Variants in FREM1 observed in about 807,000 individuals in gnomAD.
The protein encoded by FREM1 is FRAS1-related extracellular matrix protein 1.
Under a neutral mutation model 210.1 loss-of-function variants are expected in FREM1, and 220 were observed. The observed-to-expected ratio is 1.05, with a 90% CI of 0.94 to 1.17. The LOEUF (loss-of-function observed/expected upper bound fraction) is 1.17. FREM1 is among the 50% of genes most tolerant of loss of function. FREM1 has a pLI of 0.00. For synonymous variants in FREM1, 1,189 were observed against 980.2 expected (o/e 1.21, Z -3.98); for missense variants, 3,454 against 2,675.5 (o/e 1.29, Z -6.42).
In FREM1 at chr9:14,881,004, T is replaced by C. The variant is rs185665496; in HGVS notation, c.-267-11760A>G. Among the ~76,000 whole-genome samples, 54 of 152,352 alleles carry C rather than the reference T, an allele frequency of 3.5e-4. 2 individuals carry two copies. The highest frequency in any genetic ancestry group is 3.5e-3 in the Admixed American group (54 of 15,304). ...ATTAATTCCAAATGAAACTGAAGAA[T>C]GCAGCAAAATACAAAGGCACCGGTG... On this transcript the variant is annotated intron_variant, in intron 1 of 36. Transcript: ENST00000380880.
Position 14,842,380 on chromosome 9 carries a change from G to A in FREM1, c.1674C>T (p.Phe558=). ...CCTGTGGAGGCTTTGTGATATTGAAGAAGATGTAGTCATCACTGGCGTCCA... is the reference window on the plus strand; with the variant it reads ...CCTGTGGAGGCTTTGTGATATTGAAAAAGATGTAGTCATCACTGGCGTCCA... The part of the protein sequence containing the change: ...SDVDASDDYI[F]FNITKPPQAG... Residue 558 remains phenylalanine, a synonymous_variant, in exon 9 of 37, where the codon TTC becomes TTT. Coordinates refer to ENST00000380880, the MANE Select transcript of FREM1 (RefSeq NM_001379081.2). The A allele has an allele frequency of 6.2e-7, 1 of 1,611,866 alleles. No homozygotes were observed. Among genetic ancestry groups the A allele is most frequent in the Non-Finnish European group, 8.5e-7 (1 of 1,178,152 alleles).
intron 13 of FREM1, among the ~76,000 whole-genome samples, chr9:14,820,999 T>C (rs1564005062): frequency 3.3e-5 from 5 of 152,154 alleles, no homozygotes; most frequent in Non-Finnish European, 1.5e-5. Flanking sequence ...TAAATATATA[T>C]TTTAGGGCAA....
At chr9:14,901,305 T>C (rs1326796545) in intron 1 of FREM1, among the ~76,000 whole-genome samples, 1 of 152,202 alleles carries the variant, frequency 6.6e-6, no homozygotes, top group Non-Finnish European at 1.5e-5. Context: ...ATCTGTAAAT[T>C]AAAAGTCTCT....
At chr9:14,861,427 C>T (rs368023848) in intron 3 of FREM1, among the ~76,000 whole-genome samples, 280 of 148,666 alleles carry the variant, frequency 1.9e-3, no homozygotes, top group Non-Finnish European at 3.4e-3. Context: ...TACTTTCATA[C>T]AGGCAAGCAA....
intron 17 of FREM1, 34 bp downstream of exon 17, chr9:14,807,906 A>G: frequency 1.3e-6 from 2 of 1,493,396 alleles, no homozygotes; most frequent in Non-Finnish European, 1.9e-6. Flanking sequence ...ACTAGGTCAG[A>G]CAATAGTACT....
intron 1 of FREM1, among the ~76,000 whole-genome samples, chr9:14,884,765 A>G (rs1040229187): frequency 6.6e-6 from 1 of 152,136 alleles, no homozygotes; most frequent in Non-Finnish European, 1.5e-5. Context: ...GAAATTCTTA[A>G]CGGTCAATGG....
At chr9:14,771,541 T>C (rs947986358) in intron 25 of FREM1, among the ~76,000 whole-genome samples, 1 of 152,136 alleles carries the variant, frequency 6.6e-6, no homozygotes. Context: ...CGGAGCTCAG[T>C]GCATCTTGCA....
chr9:14,806,657 T>A lies in FREM1; in HGVS notation c.3274+4A>T, dbSNP rs761999855. 7.1e-6 allele frequency: 11 copies of A among 1,542,234 alleles called. No individual in the cohort carries two copies. Among genetic ancestry groups the A allele is most frequent in the Non-Finnish European group, 9.8e-6 (11 of 1,123,394 alleles). On this transcript the variant is annotated splice_donor_region_variant and intron_variant, in intron 18 of 36. Coordinates refer to ENST00000380880, the MANE Select transcript of FREM1 (RefSeq NM_001379081.2). ...TCATTGCTGGTGACGAAGCTACAGC[T>A]TACCTATACTTATGCCAATATTGCT... is the stretch of plus-strand genomic sequence containing the variant.
intron 1 of FREM1, among the ~76,000 whole-genome samples, chr9:14,905,624 C>A (rs1451712071): frequency 1.3e-5 from 2 of 152,206 alleles, no homozygotes; most frequent in African/African-American, 4.8e-5. Context: ...GGCAGTGGCT[C>A]ACGCCTATAA....
intron 5 of FREM1, among the ~76,000 whole-genome samples, chr9:14,856,478 C>T (rs942187895): frequency 1.3e-5 from 2 of 152,116 alleles, no homozygotes; most frequent in Admixed American, 6.5e-5. Context: ...CAATATTTGA[C>T]TGGGCCCCTT....
intron 1 of FREM1, among the ~76,000 whole-genome samples, chr9:14,908,838 C>T (rs1351695029): frequency 6.6e-6 from 1 of 152,150 alleles, no homozygotes; most frequent in African/African-American, 2.4e-5. Flanking sequence ...GAACTGAGAA[C>T]CTGCCTTTCA....
chr9:14,817,843 G>C (rs528742846), intron 14 of FREM1, among the ~76,000 whole-genome samples: 1 of 151,992 alleles, frequency 6.6e-6, no homozygotes, highest in Non-Finnish European at 1.5e-5. Flanking sequence ...CGCACTACCC[G>C]CTATGCTTTA....
Position 14,805,024 on chromosome 9 carries a change from T to C in FREM1, c.3403A>G (p.Ile1135Val), listed in dbSNP as rs1445622246. 2 of 1,613,698 alleles carry C rather than the reference T, an allele frequency of 1.2e-6. No individual in the cohort carries two copies. The highest frequency in any genetic ancestry group is 1.7e-6 in the Non-Finnish European group (2 of 1,179,766). Residue 1135 changes from isoleucine (I) to valine (V), a missense_variant, in exon 19 of 37, where the codon ATA becomes GTA. Ile to Val is a conservative substitution (Grantham distance 29, BLOSUM62 3). Transcript: ENST00000380880. ...VTDGKHHSLE[I>V]PFSIIINPTN... is the part of the protein sequence containing the mutation. ...GGGTTGATTATAATAGAAAATGGTATCTCCAAGGAGTGATGCTTCCCATCT... is the reference window on the plus strand; with the variant it reads ...GGGTTGATTATAATAGAAAATGGTACCTCCAAGGAGTGATGCTTCCCATCT...
chr9:14,845,700 A>G (rs1405307247), intron 8 of FREM1, among the ~76,000 whole-genome samples: 1 of 152,232 alleles, frequency 6.6e-6, no homozygotes, highest in African/African-American at 2.4e-5. Context: ...TACTTACAAG[A>G]AGCCATGCAT....
At chr9:14,826,672 G>C (rs950605968) in intron 10 of FREM1, among the ~76,000 whole-genome samples, 4 of 152,186 alleles carry the variant, frequency 2.6e-5, no homozygotes, top group African/African-American at 7.2e-5. Context: ...AGATTAGTAA[G>C]AGGCAGGGCC....
At chr9:14,751,445 T>C (rs1843371323) in intron 29 of FREM1, among the ~76,000 whole-genome samples, 1 of 152,122 alleles carries the variant, frequency 6.6e-6, no homozygotes, top group South Asian at 2.1e-4. Flanking sequence ...GCTCAGGAGT[T>C]TGAGACCAAC....
intron 1 of FREM1, among the ~76,000 whole-genome samples, 181 bp downstream of exon 1, chr9:14,909,733 T>C (rs1818415016): frequency 6.6e-6 from 1 of 152,246 alleles, no homozygotes; most frequent in African/African-American, 2.4e-5. Flanking sequence ...TTTGGTTTGT[T>C]AACACTGCAA....
intron 1 of FREM1, among the ~76,000 whole-genome samples, chr9:14,873,078 T>G (rs1390822921): frequency 6.6e-6 from 1 of 152,218 alleles, no homozygotes; most frequent in African/African-American, 2.4e-5. Context: ...TGCCAGTATC[T>G]TATTGAGGAT....
At position 14,836,610 on chromosome 9, in the gene FREM1, A is replaced by AT. The variant is rs934565976; in HGVS notation, c.1881+4836dup. On this transcript the variant is annotated intron_variant, in intron 10 of 36. Transcript: ENST00000380880. The surrounding 1 kb of genome is among the most constrained non-coding windows in gnomAD (Gnocchi z 4.9). ...CCCTTTATTAAGCCCTCTCTTGCTT[A>AT]TATGTCTTGAATTGATATTTGGACG... 6.6e-6 allele frequency among the ~76,000 whole-genome samples: 1 copy of AT among 152,262 alleles called. No individual in the cohort carries two copies. The highest frequency in any genetic ancestry group is 6.5e-5 in the Admixed American group (1 of 15,300).
Sources: allele counts gnomAD v4.1 joint callset (sites outside exome capture counted in the v4.1 genomes callset), GRCh38; gene constraint gnomAD v4.1.1; non-coding constraint Gnocchi (gnomAD v3.1); transcripts MANE v1.5; gene names NCBI Gene and HGNC (gene_info 2026-07-23, HGNC 2026-07-21).